The following RGMA variants were observed in gnomAD, a reference collection of about 807,000 sequenced individuals.
The protein encoded by RGMA is repulsive guidance molecule BMP co-receptor a.
In RGMA, 10 loss-of-function variants were observed where a neutral mutation model predicts 23.2. The ratio of observed to expected loss-of-function variants is 0.43; its 90% CI spans 0.27 to 0.73. The LOEUF (loss-of-function observed/expected upper bound fraction) is 0.73. RGMA is among the 30% of genes least tolerant of loss of function. The pLI, the probability that RGMA is intolerant of heterozygous loss-of-function variation, is 0.20. For synonymous variants in RGMA, 308 were observed against 279.3 expected (o/e 1.10, Z -1.03); for missense variants, 547 against 630.5 (o/e 0.87, Z 1.42).
At chr15:93,066,129 C>T in intron 2 of RGMA, 1 of 1,355,784 alleles carries the variant, frequency 7.4e-7, no homozygotes, top group Non-Finnish European at 1.1e-6. Flanking sequence ...AGCTGCCCTT[C>T]ACGGGCACCT....
At chr15:93,049,888 G>C (rs2054889886) in intron 3 of RGMA, among the ~76,000 whole-genome samples, 1 of 152,218 alleles carries the variant, frequency 6.6e-6, no homozygotes, top group Non-Finnish European at 1.5e-5. Flanking sequence ...AGAGGGCTCT[G>C]TTGGTGGTAG....
In RGMA at chr15:93,056,865, C is replaced by T. The variant is rs2055023344; in HGVS notation, c.131-4358G>A. On this transcript the variant is annotated intron_variant, in intron 2 of 3. Transcript: ENST00000329082. Reference sequence around the variant, plus strand: ...AGATGTACATGGCGTGCCTGGAGCCCCAGGGGCATCCAACAAACAGGGTCC... The same window carrying T: ...AGATGTACATGGCGTGCCTGGAGCCTCAGGGGCATCCAACAAACAGGGTCC... 2.0e-5 allele frequency among the ~76,000 whole-genome samples: 3 copies of T among 152,280 alleles called. No individual in the cohort carries two copies. The South Asian group carries it at 6.2e-4, about 32-fold the overall frequency.
chr15:93,057,728 G>C (rs1290870912), intron 2 of RGMA, among the ~76,000 whole-genome samples: 1 of 152,186 alleles, frequency 6.6e-6, no homozygotes, highest in Non-Finnish European at 1.5e-5. Flanking sequence ...TCTGGCCAGA[G>C]ACCAAAGGAC....
In RGMA at chr15:93,052,009, G is replaced by A; in HGVS notation, c.629C>T (p.Ala210Val). 6.2e-7 allele frequency: 1 copy of A among 1,605,000 alleles called. No individual in the cohort carries two copies. Among genetic ancestry groups the A allele is most frequent in the Non-Finnish European group, 8.5e-7 (1 of 1,176,812 alleles). The change falls in exon 3 of 4, where the codon GCC becomes GTC. Residue 210 changes from alanine (A) to valine (V), a missense_variant. Physicochemically the swap from Ala to Val is moderately conservative, Grantham distance 64. Around this residue, in one of 3 missense-constraint regions of RGMA, gnomAD observed 128 missense variants for 191.7 expected, o/e 0.67. Transcript: ENST00000329082. Reference sequence around the variant, plus strand: ...CCCCCTTACCTTGCTGGTGGCAGTGGCCGCTGAGCCGGGCAGCACAGGCGT... The same window carrying A: ...CCCCCTTACCTTGCTGGTGGCAGTGACCGCTGAGCCGGGCAGCACAGGCGT... ...TNTPVLPGSAATATSKLTIIF... is the reference protein window; with the variant it reads ...TNTPVLPGSAVTATSKLTIIF...
At chr15:93,072,856 C>A in intron 2 of RGMA, 60 bp downstream of exon 2, 1 of 1,548,466 alleles carries the variant, frequency 6.5e-7, no homozygotes, top group Admixed American at 1.9e-5. Flanking sequence ...GCACATCTGG[C>A]CCAGCATTGA....
rs561142641 is a variant in RGMA, at chr15:93,073,491, G to T, written c.15-460C>A. 44 of 1,239,196 alleles carry T rather than the reference G, an allele frequency of 3.6e-5. No individual in the cohort carries two copies. The East Asian group carries it at 1.0e-3, about 29-fold the overall frequency. The allele number at this position is 1,239,196 out of a possible 1,614,324, so 76.8% of individuals were successfully genotyped here. ...CGCAGGGCATGAGGCGGGGCAGGACGCCCCCTTAATCCCCTCCACGAATAT... is the reference window on the plus strand; with the variant it reads ...CGCAGGGCATGAGGCGGGGCAGGACTCCCCCTTAATCCCCTCCACGAATAT... On this transcript the variant is annotated intron_variant, in intron 1 of 3. Transcript: ENST00000329082.
At chr15:93,088,293 T>G (rs914842998) in intron 1 of RGMA, 1 of 984,786 alleles carries the variant, frequency 1.0e-6, no homozygotes, top group Non-Finnish European at 1.2e-6. Context: ...TGGGTTGAGC[T>G]GCGGCGCGAG....
chr15:93,075,747 T>C (rs1360413504), intron 1 of RGMA, among the ~76,000 whole-genome samples: 1 of 152,212 alleles, frequency 6.6e-6, no homozygotes, highest in Non-Finnish European at 1.5e-5. Context: ...AGACGGGTAC[T>C]GGCTGCCTTT....
chr15:93,082,363 TCCC>T (rs749159641), intron 1 of RGMA, among the ~76,000 whole-genome samples: 51 of 152,136 alleles, frequency 3.4e-4, no homozygotes, highest in Admixed American at 1.1e-3. Flanking sequence ...TAGAAAAAAC[TCCC>T]CCATGTAACC....
rs187072850 is a variant in RGMA, at chr15:93,073,862, T to A, written c.15-831A>T. ...GTGCTGAGGGCCTGCGGGCCTAACC[T>A]TGCCACCTTGGCACAGCTGCCACTC... is the stretch of plus-strand genomic sequence containing the variant. On this transcript the variant is annotated intron_variant, in intron 1 of 3. Transcript: ENST00000329082. 2.7e-3 allele frequency: 4,020 copies of A among 1,481,710 alleles called. 84 individuals carry two copies. In the African/African-American group the frequency reaches 0.049, roughly 18 times the overall value. The allele number at this position is 1,481,710 out of a possible 1,614,324, so 91.8% of individuals were successfully genotyped here.
In RGMA at chr15:93,048,718, G is replaced by A. The variant is rs115063930; in HGVS notation, c.646-3013C>T. 2.1e-3 allele frequency among the ~76,000 whole-genome samples: 327 copies of A among 152,254 alleles called. 2 individuals are homozygous for A. The highest frequency in any genetic ancestry group is 7.5e-3 in the African/African-American group (310 of 41,552). On this transcript the variant is annotated intron_variant, in intron 3 of 3. Transcript: ENST00000329082. ...ACCTATGGAAACGGCAACTTCATAC[G>A]GTTCAGCCTCCTACTTCTTCCTTCT...
chr15:93,064,152 C>T (rs577449967), intron 2 of RGMA, among the ~76,000 whole-genome samples: 2 of 143,646 alleles, frequency 1.4e-5, no homozygotes, highest in African/African-American at 2.4e-5. Context: ...CTGGCCAAGG[C>T]CACAAGCAGC....
chr15:93,060,044 CCAG>C (rs1474094807), intron 2 of RGMA, among the ~76,000 whole-genome samples: 1 of 152,178 alleles, frequency 6.6e-6, no homozygotes, highest in Non-Finnish European at 1.5e-5. Context: ...GCACACCTGC[CCAG>C]TACTGCAGTC....
chr15:93,086,032 A>G (rs895720787), intron 1 of RGMA, among the ~76,000 whole-genome samples: 2 of 152,232 alleles, frequency 1.3e-5, no homozygotes, highest in Non-Finnish European at 1.5e-5. Context: ...CATTTGCTCA[A>G]AATAAGAAAA....
intron 1 of RGMA, among the ~76,000 whole-genome samples, chr15:93,086,147 T>C (rs1000887404): frequency 1.3e-5 from 2 of 152,186 alleles, no homozygotes; most frequent in African/African-American, 4.8e-5. Context: ...GTGGAATGGC[T>C]ACATAATGGA....
chr15:93,057,588 G>C (rs933142929), intron 2 of RGMA, among the ~76,000 whole-genome samples: 2 of 152,100 alleles, frequency 1.3e-5, no homozygotes, highest in Non-Finnish European at 2.9e-5. Context: ...CTCCTAGGCT[G>C]GGGTATTTTC....
rs544421523 is a variant in RGMA at position 93,037,868 on chromosome 15, A to T, written c.*7130T>A. 1 of 152,354 alleles carries T rather than the reference A, an allele frequency of 6.6e-6. No individual in the cohort carries two copies. Among genetic ancestry groups the T allele is most frequent in the East Asian group, 1.9e-4 (1 of 5,182 alleles). The allele number at this position is 152,354 out of a possible 1,614,324, so 9.4% of individuals were successfully genotyped here. On this transcript the variant is annotated 3_prime_UTR_variant, in exon 4 of 4. Coordinates refer to ENST00000329082, the MANE Select transcript of RGMA (RefSeq NM_020211.3). This position sits in a 1 kb window ranked among gnomAD's most constrained non-coding sequence, Gnocchi z 4.3. The stretch of plus-strand genomic sequence containing the variant: ...CAAGGACAGGGTGATGCTGGGCGAC[A>T]TGAATGTTTTCGCCTTGGGATCTGG...
chr15:93,076,922 C>A (rs1731922119), intron 1 of RGMA, among the ~76,000 whole-genome samples: 1 of 152,166 alleles, frequency 6.6e-6, no homozygotes, highest in Non-Finnish European at 1.5e-5. Flanking sequence ...AAGCATAACA[C>A]AGACTCTGAC....
At chr15:93,084,639 G>A (rs895395579) in intron 1 of RGMA, among the ~76,000 whole-genome samples, 4 of 151,976 alleles carry the variant, frequency 2.6e-5, no homozygotes, top group African/African-American at 9.7e-5. Flanking sequence ...CACCCGGCCA[G>A]TTTTTACACT....
Sources: gnomAD v4.1 joint callset for allele counts (sites outside exome capture counted in the v4.1 genomes callset) on GRCh38, gnomAD v4.1.1 for gene constraint, gnomAD v4.1.1 regional missense constraint, Gnocchi (gnomAD v3.1) non-coding constraint, MANE v1.5 for transcripts, NCBI Gene and HGNC (gene_info 2026-07-23, HGNC 2026-07-21) for gene names.